The following RBM46 variants were observed in gnomAD, a reference collection of about 807,000 sequenced individuals.
The protein encoded by RBM46 is probable RNA-binding protein 46.
In RBM46, 12 loss-of-function variants were observed where a neutral mutation model predicts 43.3. That is an observed-to-expected ratio of 0.28 (90% CI 0.18 to 0.45). The LOEUF (loss-of-function observed/expected upper bound fraction) is 0.45. Ranked by LOEUF, RBM46 falls within the 20% of genes least tolerant of loss-of-function variation. The pLI is 1.00. For missense variants in RBM46, 412 were observed against 639.1 expected, an observed-to-expected ratio of 0.64 and a Z score of 3.83; for synonymous variants, 205 against 207.6, an observed-to-expected ratio of 0.99 and a Z score of 0.11.
chr4:154,794,875 C>A (rs947459831), intron 1 of RBM46, among the ~76,000 whole-genome samples: 1 of 149,014 alleles, frequency 6.7e-6, no homozygotes, highest in Non-Finnish European at 1.5e-5. Flanking sequence ...AGTATTCTTA[C>A]CTCTTATTAT....
chr4:154,827,138 G>A, intron 4 of RBM46: 2 of 966,818 alleles, frequency 2.1e-6, no homozygotes, highest in Non-Finnish European at 2.5e-6. Context: ...TGATGCATAA[G>A]ATGAATGTTT....
At chr4:154,789,030 C>A (rs548824892) in intron 1 of RBM46, among the ~76,000 whole-genome samples, 1 of 152,206 alleles carries the variant, frequency 6.6e-6, no homozygotes, top group South Asian at 2.1e-4. Flanking sequence ...GCTTTTGTAT[C>A]CTGAGACTTT....
At chr4:154,822,617 G>A (rs1282587898) in intron 4 of RBM46, among the ~76,000 whole-genome samples, 3 of 151,394 alleles carry the variant, frequency 2.0e-5, no homozygotes, top group Non-Finnish European at 4.4e-5. Flanking sequence ...TTGAGTGAAA[G>A]TAAGTTATTG....
At position 154,799,522 on chromosome 4, in the gene RBM46, G is replaced by A; in HGVS notation, c.1360G>A (p.Asp454Asn). The part of the protein sequence containing the change: ...MPDKLCTTLE[D>N]AKELAAQFTL... ...AGACAAACTCTGTACTACGTTAGAAGATGCAAAGGAACTGGCAGCCCAGTT... is the reference window on the plus strand; with the variant it reads ...AGACAAACTCTGTACTACGTTAGAAAATGCAAAGGAACTGGCAGCCCAGTT... Residue 454 changes from aspartate to asparagine, a missense_variant, in exon 4 of 5, where the codon GAT (aspartate) becomes AAT (asparagine). Physicochemically the swap from Asp to Asn is conservative, Grantham distance 23. Transcript: ENST00000281722. 6.3e-7 allele frequency: 1 copy of A among 1,590,480 alleles called. No individual in the cohort carries two copies. The highest frequency in any genetic ancestry group is 8.5e-7 in the Non-Finnish European group (1 of 1,170,510).
chr4:154,820,460 A>G, intron 4 of RBM46: 1 of 1,139,232 alleles, frequency 8.8e-7, no homozygotes, highest in Non-Finnish European at 1.2e-6. Flanking sequence ...TAGGAATATT[A>G]AGTAATATAT....
At chr4:154,799,755 C>CTTT (rs35629123) in intron 4 of RBM46, among the ~76,000 whole-genome samples, 191 bp downstream of exon 4, 7 of 114,636 alleles carry the variant, frequency 6.1e-5, no homozygotes, top group Non-Finnish European at 1.0e-4. Flanking sequence ...TTTAGCTTTT[C>CTTT]TTTTTTTTTT....
intron 1 of RBM46, among the ~76,000 whole-genome samples, chr4:154,790,885 A>G (rs1417842464): frequency 6.6e-6 from 1 of 152,164 alleles, no homozygotes; most frequent in Non-Finnish European, 1.5e-5. Context: ...CTAAATTCGG[A>G]TACTTGATAT....
intron 4 of RBM46, among the ~76,000 whole-genome samples, chr4:154,809,267 G>C (rs1177438204): frequency 6.6e-6 from 1 of 151,916 alleles, no homozygotes; most frequent in Non-Finnish European, 1.5e-5. Flanking sequence ...TGGCTTGGGA[G>C]AAGGATGGAC....
At position 154,798,172 on chromosome 4, in the gene RBM46, C is replaced by G. The variant is rs776140762; in HGVS notation, c.513C>G (p.Val171=). The G allele has an allele frequency of 1.2e-6, 2 of 1,613,804 alleles. No individual in the cohort carries two copies. Among genetic ancestry groups the G allele is most frequent in the Non-Finnish European group, 1.7e-6 (2 of 1,179,890 alleles). Residue 171 remains valine (V), a synonymous_variant, in exon 3 of 5, where the codon GTC becomes GTG. Transcript: ENST00000281722. ...MKKVTEGVVD[V]IVYPSATDKT... ...AAGTTACAGAAGGAGTTGTAGATGT[C>G]ATTGTTTATCCAAGTGCAACTGATA... is the stretch of plus-strand genomic sequence containing the variant.
At chr4:154,784,478 C>A (rs1733661801) in intron 1 of RBM46, among the ~76,000 whole-genome samples, 1 of 152,152 alleles carries the variant, frequency 6.6e-6, no homozygotes, top group Admixed American at 6.5e-5. Context: ...CACATTGTTA[C>A]TTGAATAGCT....
intron 4 of RBM46, among the ~76,000 whole-genome samples, chr4:154,810,854 A>G (rs1169611133): frequency 2.0e-5 from 3 of 152,202 alleles, no homozygotes; most frequent in Non-Finnish European, 4.4e-5. Flanking sequence ...AAACTGATTA[A>G]GAAAGTTTGA....
Position 154,824,972 on chromosome 4 carries a change from A to G in RBM46, c.1403-2896A>G, listed in dbSNP as rs1282519933. On this transcript the variant is annotated intron_variant, in intron 4 of 4. Transcript: ENST00000281722. ...AGTATCAATTACATAGATTTATACAATTATCAAAACTCATTGAAATAAACA... is the reference window on the plus strand; with the variant it reads ...AGTATCAATTACATAGATTTATACAGTTATCAAAACTCATTGAAATAAACA... 8.5e-5 allele frequency among the ~76,000 whole-genome samples: 13 copies of G among 152,282 alleles called. 1 individual carries two copies. The highest frequency in any genetic ancestry group is 5.9e-4 in the Admixed American group (9 of 15,286).
intron 4 of RBM46, among the ~76,000 whole-genome samples, chr4:154,819,519 C>T (rs889860159): frequency 4.6e-5 from 7 of 152,236 alleles, no homozygotes; most frequent in African/African-American, 1.7e-4. Flanking sequence ...TCTTGGTTCT[C>T]AGTGATTTGA....
intron 1 of RBM46, among the ~76,000 whole-genome samples, chr4:154,794,357 T>C (rs1172636889): frequency 6.6e-6 from 1 of 152,014 alleles, no homozygotes; most frequent in East Asian, 1.9e-4. Context: ...AATTTTTCTA[T>C]TTTTACTAGA....
At chr4:154,812,924 C>G (rs1331461416) in intron 4 of RBM46, among the ~76,000 whole-genome samples, 1 of 152,026 alleles carries the variant, frequency 6.6e-6, no homozygotes, top group Non-Finnish European at 1.5e-5. Context: ...CATAGTAACC[C>G]AAAATGACTT....
chr4:154,825,626 G>T (rs986230597), intron 4 of RBM46, among the ~76,000 whole-genome samples: 1 of 152,116 alleles, frequency 6.6e-6, no homozygotes, highest in Non-Finnish European at 1.5e-5. Context: ...TTGAAAATAT[G>T]CAGTACAACA....
At chr4:154,790,434 C>T (rs906051365) in intron 1 of RBM46, 2 of 152,166 alleles carry the variant, frequency 1.3e-5, no homozygotes, top group Non-Finnish European at 2.9e-5. Flanking sequence ...GCTCCATCTG[C>T]TCCACTCACT....
At chr4:154,794,177 C>CTTTTTTT (rs58437982) in intron 1 of RBM46, among the ~76,000 whole-genome samples, 1 of 115,734 alleles carries the variant, frequency 8.6e-6, no homozygotes, top group Admixed American at 9.9e-5. Context: ...GTAGTAATCA[C>CTTTTTTT]TTTTTTTTTT....
At chr4:154,807,597 A>G (rs144615436) in intron 4 of RBM46, among the ~76,000 whole-genome samples, 1 of 151,958 alleles carries the variant, frequency 6.6e-6, no homozygotes, top group African/African-American at 2.4e-5. Flanking sequence ...GTAAAATCAA[A>G]CATAGTATCT....
Sources: allele counts gnomAD v4.1 joint callset (sites outside exome capture counted in the v4.1 genomes callset), GRCh38; gene constraint gnomAD v4.1.1; transcripts MANE v1.5; gene names NCBI Gene and HGNC (gene_info 2026-07-23, HGNC 2026-07-21).